The following LDB2 variants were observed in gnomAD, a reference collection of about 807,000 sequenced individuals.
LDB2 encodes LIM domain binding 2.
A neutral mutation model predicts 44.3 loss-of-function variants in LDB2; 12 were observed. The observed-to-expected ratio is 0.27, with a 90% CI of 0.17 to 0.44. The LOEUF is 0.44. LDB2 is among the 20% of genes least tolerant of loss of function. The pLI is 1.00. For synonymous variants in LDB2, 164 were observed against 174.8 expected, an observed-to-expected ratio of 0.94 and a Z score of 0.49; for missense variants, 344 against 473.5, an observed-to-expected ratio of 0.73 and a Z score of 2.54.
chr4:16,597,456 T>C (rs1009316140), intron 2 of LDB2, among the ~76,000 whole-genome samples: 4 of 152,184 alleles, frequency 2.6e-5, no homozygotes, highest in African/African-American at 9.7e-5. Context: ...CTTTAACAAA[T>C]GCATAGCTAA....
chr4:16,782,914 C>G (rs1315988816), intron 1 of LDB2, among the ~76,000 whole-genome samples: 2 of 151,574 alleles, frequency 1.3e-5, no homozygotes, highest in African/African-American at 2.4e-5. Flanking sequence ...TAACTTTAGA[C>G]AATGAGAAGT....
chr4:16,561,966 G>A (rs1742497394), intron 5 of LDB2, among the ~76,000 whole-genome samples: 1 of 152,172 alleles, frequency 6.6e-6, no homozygotes, highest in African/African-American at 2.4e-5. Context: ...CAAGCAATGG[G>A]GAAAGGATTC....
intron 1 of LDB2, among the ~76,000 whole-genome samples, chr4:16,792,212 T>C (rs1775911535): frequency 6.6e-6 from 1 of 152,230 alleles, no homozygotes; most frequent in Non-Finnish European, 1.5e-5. Context: ...AATAGGAATA[T>C]GAGCTCTCTA....
intron 2 of LDB2, among the ~76,000 whole-genome samples, chr4:16,667,145 G>A (rs1429901805): frequency 2.0e-5 from 3 of 152,194 alleles, no homozygotes; most frequent in African/African-American, 7.2e-5. Flanking sequence ...CAGAGACAGA[G>A]AGAATACTGC....
At chr4:16,567,289 T>C (rs561261467) in intron 5 of LDB2, among the ~76,000 whole-genome samples, 1 of 152,142 alleles carries the variant, frequency 6.6e-6, no homozygotes, top group South Asian at 2.1e-4. Context: ...ATCTTTAGAG[T>C]GATAACCTTC....
At chr4:16,651,978 A>G (rs536804937) in intron 2 of LDB2, among the ~76,000 whole-genome samples, 2 of 152,232 alleles carry the variant, frequency 1.3e-5, no homozygotes, top group East Asian at 1.9e-4. Flanking sequence ...TTCAGACAGG[A>G]TTTCACTCTG....
At chr4:16,512,339 GAC>G (rs943786999) in intron 5 of LDB2, among the ~76,000 whole-genome samples, 1 of 151,294 alleles carries the variant, frequency 6.6e-6, no homozygotes, top group African/African-American at 2.4e-5. Context: ...TACACACACA[GAC>G]ACACACAAAC....
chr4:16,572,950 G>C (rs1181340433), intron 5 of LDB2, among the ~76,000 whole-genome samples: 1 of 152,172 alleles, frequency 6.6e-6, no homozygotes, highest in African/African-American at 2.4e-5. Context: ...AAGTAAGACT[G>C]AGATCTGACA....
At chr4:16,832,096 C>T (rs995259293) in intron 1 of LDB2, among the ~76,000 whole-genome samples, 15 of 152,188 alleles carry the variant, frequency 9.9e-5, no homozygotes, top group Non-Finnish European at 1.8e-4. Context: ...TATTCTGTTA[C>T]AGCTGAACAT....
At chr4:16,727,608 T>C (rs1759804947) in intron 2 of LDB2, among the ~76,000 whole-genome samples, 1 of 152,222 alleles carries the variant, frequency 6.6e-6, no homozygotes, top group African/African-American at 2.4e-5. Context: ...AGATGACATT[T>C]TGCTTTGAAG....
chr4:16,885,642 A>G (rs1418626397), intron 1 of LDB2, among the ~76,000 whole-genome samples: 1 of 152,230 alleles, frequency 6.6e-6, no homozygotes, highest in Non-Finnish European at 1.5e-5. Flanking sequence ...AACCCTTAAC[A>G]TTAATTCAAG....
At chr4:16,646,049 C>A (rs950095685) in intron 2 of LDB2, among the ~76,000 whole-genome samples, 4 of 152,270 alleles carry the variant, frequency 2.6e-5, no homozygotes, top group East Asian at 3.9e-4. Context: ...GCTCTTTATA[C>A]CCCCAAATTT....
At chr4:16,512,654 G>A (rs1383178785) in intron 5 of LDB2, among the ~76,000 whole-genome samples, 1 of 152,200 alleles carries the variant, frequency 6.6e-6, no homozygotes, top group Non-Finnish European at 1.5e-5. Context: ...CTCTTAGAAA[G>A]GTGGATGGTG....
intron 1 of LDB2, among the ~76,000 whole-genome samples, chr4:16,781,603 C>G (rs1198194643): frequency 6.6e-6 from 1 of 152,084 alleles, no homozygotes; most frequent in Non-Finnish European, 1.5e-5. Context: ...AGTGGAGAGT[C>G]ATACTAAATC....
At chr4:16,598,231 C>T (rs1242121904) in intron 2 of LDB2, among the ~76,000 whole-genome samples, 5 of 152,178 alleles carry the variant, frequency 3.3e-5, no homozygotes, top group African/African-American at 7.2e-5. Flanking sequence ...TTTTGGGCTA[C>T]GCCTTTAAAA....
chr4:16,704,866 A>C (rs968906952), intron 2 of LDB2, among the ~76,000 whole-genome samples: 2 of 152,204 alleles, frequency 1.3e-5, no homozygotes, highest in African/African-American at 4.8e-5. Context: ...GGAGGCAGGT[A>C]GAAAATAAAG....
At chr4:16,615,290 A>G (rs1726949185) in intron 2 of LDB2, among the ~76,000 whole-genome samples, 1 of 152,216 alleles carries the variant, frequency 6.6e-6, no homozygotes, top group Non-Finnish European at 1.5e-5. Context: ...ATTCTACTAT[A>G]AAGACACATG....
intron 2 of LDB2, among the ~76,000 whole-genome samples, chr4:16,614,612 C>A: frequency 6.8e-6 from 1 of 148,040 alleles, no homozygotes; most frequent in African/African-American, 2.5e-5. Flanking sequence ...CAAGCAACCC[C>A]ATCAAAAAAA....
At chr4:16,724,005 A>T (rs561524640) in intron 2 of LDB2, among the ~76,000 whole-genome samples, 1 of 152,258 alleles carries the variant, frequency 6.6e-6, no homozygotes, top group South Asian at 2.1e-4. Flanking sequence ...TCATCAATTC[A>T]TCTCCTGCCA....
Sources: gnomAD v4.1 joint callset for allele counts (sites outside exome capture counted in the v4.1 genomes callset) on GRCh38, gnomAD v4.1.1 for gene constraint, MANE v1.5 for transcripts, NCBI Gene and HGNC (gene_info 2026-07-23, HGNC 2026-07-21) for gene names.